Variants in AHCYL2 observed in about 807,000 individuals in gnomAD.
AHCYL2 encodes adenosylhomocysteinase like 2.
In AHCYL2, 28 loss-of-function variants were observed where a neutral mutation model predicts 81.4. That is an observed-to-expected ratio of 0.34 (90% CI 0.25 to 0.47). The LOEUF is 0.47. Ranked by LOEUF, AHCYL2 falls within the 20% of genes least tolerant of loss-of-function variation. AHCYL2 has a pLI of 1.00. For missense variants in AHCYL2, 551 were observed against 785.1 expected, an observed-to-expected ratio of 0.70 and a Z score of 3.56; for synonymous variants, 272 against 290.2, an observed-to-expected ratio of 0.94 and a Z score of 0.64.
At chr7:129,376,613 A>G (rs951318595) in intron 1 of AHCYL2, among the ~76,000 whole-genome samples, 8 of 152,224 alleles carry the variant, frequency 5.3e-5, no homozygotes, top group African/African-American at 1.4e-4. Context: ...CTAGATAGCT[A>G]TATGGTTTAT....
intron 9 of AHCYL2, 76 bp downstream of exon 9, chr7:129,405,975 G>A: frequency 7.3e-7 from 1 of 1,370,804 alleles, no homozygotes; most frequent in Admixed American, 1.7e-5. Context: ...TTATTTGTAT[G>A]GACATATGAG....
At chr7:129,280,178 C>CTTTTTTTTTTTTTTTTTTTTTTTT (rs59849233) in intron 1 of AHCYL2, among the ~76,000 whole-genome samples, 1 of 112,560 alleles carries the variant, frequency 8.9e-6, no homozygotes, top group Non-Finnish European at 1.8e-5. Context: ...TTGCTAAATA[C>CTTTTTTTTTTTTTTTTTTTTTTTT]TTTTTTTTTT....
At chr7:129,416,720 A>G (rs1419143893) in intron 12 of AHCYL2, among the ~76,000 whole-genome samples, 2 of 152,158 alleles carry the variant, frequency 1.3e-5, no homozygotes, top group African/African-American at 2.4e-5. Flanking sequence ...GAATTGCTTG[A>G]ACCCGAGAGG....
intron 1 of AHCYL2, among the ~76,000 whole-genome samples, chr7:129,230,325 A>T (rs2718114): frequency 6.6e-6 from 1 of 151,222 alleles, no homozygotes; most frequent in African/African-American, 2.4e-5. Flanking sequence ...CTCGTGATCC[A>T]CCCGCCTCAG....
chr7:129,244,259 C>T (rs193252803), intron 1 of AHCYL2, among the ~76,000 whole-genome samples: 30 of 151,908 alleles, frequency 2.0e-4, no homozygotes, highest in African/African-American at 7.0e-4. Context: ...CAACCTTGGC[C>T]TTTCAAAATG....
chr7:129,259,381 T>A (rs1434754710), intron 1 of AHCYL2, among the ~76,000 whole-genome samples: 3 of 152,174 alleles, frequency 2.0e-5, no homozygotes, highest in East Asian at 3.8e-4. Flanking sequence ...TTTCAATAAG[T>A]CTTTTGTACT....
intron 5 of AHCYL2, 46 bp downstream of exon 5, chr7:129,397,370 G>T: frequency 6.6e-7 from 1 of 1,522,614 alleles, no homozygotes. Context: ...AGTCTATTTG[G>T]AGACTTACTT....
chr7:129,362,880 C>T (rs1279429837), intron 1 of AHCYL2, among the ~76,000 whole-genome samples: 1 of 152,012 alleles, frequency 6.6e-6, no homozygotes, highest in Non-Finnish European at 1.5e-5. Flanking sequence ...AACTGTTCTG[C>T]CATTATAGTA....
In AHCYL2 at chr7:129,406,003, T is replaced by G; in HGVS notation, c.1206+104T>G. 5 of 1,071,648 alleles carry G rather than the reference T, an allele frequency of 4.7e-6. No homozygotes were observed. In the South Asian group the frequency reaches 8.4e-5, roughly 18 times the overall value. The allele number at this position is 1,071,648 out of a possible 1,614,324, so 66.4% of individuals were successfully genotyped here. ...CATATGAGTACACCCTTTACCACTT[T>G]AGATGAGAAAAAGAATTTCAGAGGC... On this transcript the variant is annotated intron_variant, in intron 9 of 16. Coordinates refer to ENST00000325006, the MANE Select transcript of AHCYL2 (RefSeq NM_015328.4). This position sits in a 1 kb window ranked among gnomAD's most constrained non-coding sequence, Gnocchi z 4.3.
chr7:129,379,822 C>A, intron 2 of AHCYL2, 73 bp downstream of exon 2: 1 of 1,192,366 alleles, frequency 8.4e-7, no homozygotes, highest in Non-Finnish European at 1.2e-6. Context: ...TCCTGTCTAT[C>A]CAAGGCTAAT....
intron 13 of AHCYL2, among the ~76,000 whole-genome samples, chr7:129,423,506 CA>C (rs1028383046): frequency 4.4e-4 from 67 of 152,308 alleles, no homozygotes; most frequent in African/African-American, 1.6e-3. Context: ...GCTTCCATGT[CA>C]GTGTTTGACC....
At chr7:129,372,978 G>A (rs146049045) in intron 1 of AHCYL2, among the ~76,000 whole-genome samples, 1 of 152,252 alleles carries the variant, frequency 6.6e-6, no homozygotes, top group Admixed American at 6.5e-5. Context: ...CTTTACTCAC[G>A]CTTGGAGAAA....
At chr7:129,336,171 G>A (rs966989759) in intron 1 of AHCYL2, among the ~76,000 whole-genome samples, 2 of 145,674 alleles carry the variant, frequency 1.4e-5, no homozygotes, top group East Asian at 2.1e-4. Flanking sequence ...AGGTTCAAAC[G>A]ATTCTCCTGC....
intron 1 of AHCYL2, among the ~76,000 whole-genome samples, chr7:129,302,011 A>G (rs1371652071): frequency 6.6e-6 from 1 of 152,102 alleles, no homozygotes; most frequent in Non-Finnish European, 1.5e-5. Context: ...ATCCGTGGAC[A>G]TGGAATGTCT....
intron 1 of AHCYL2, among the ~76,000 whole-genome samples, chr7:129,264,419 G>A (rs1480182146): frequency 6.6e-6 from 1 of 152,198 alleles, no homozygotes; most frequent in African/African-American, 2.4e-5. Flanking sequence ...GAGCTCACGG[G>A]ATGTAAAGAG....
At chr7:129,305,917 ACT>A (rs1169162365) in intron 1 of AHCYL2, among the ~76,000 whole-genome samples, 1 of 152,084 alleles carries the variant, frequency 6.6e-6, no homozygotes, top group African/African-American at 2.4e-5. Flanking sequence ...ATGTCATGCC[ACT>A]CTCTCCTGGC....
At chr7:129,339,921 T>TTC (rs1793104613) in intron 1 of AHCYL2, among the ~76,000 whole-genome samples, 2 of 141,938 alleles carry the variant, frequency 1.4e-5, no homozygotes, top group Non-Finnish European at 3.1e-5. Context: ...CTGCTCTTTT[T>TTC]TTTTTTTTTT....
intron 1 of AHCYL2, among the ~76,000 whole-genome samples, chr7:129,374,988 G>T (rs985574546): frequency 3.3e-5 from 5 of 151,504 alleles, no homozygotes; most frequent in Non-Finnish European, 7.4e-5. Context: ...TAAATAATGT[G>T]ATTCTTTGCC....
intron 1 of AHCYL2, among the ~76,000 whole-genome samples, chr7:129,282,780 ATTTG>A (rs1275461540): frequency 2.0e-5 from 3 of 147,640 alleles, no homozygotes; most frequent in Non-Finnish European, 4.5e-5. Context: ...TTTTTTTTTT[ATTTG>A]TTCTGTGTCA....
Sources: allele counts gnomAD v4.1 joint callset (sites outside exome capture counted in the v4.1 genomes callset), GRCh38; gene constraint gnomAD v4.1.1; non-coding constraint Gnocchi (gnomAD v3.1); transcripts MANE v1.5; gene names NCBI Gene and HGNC (gene_info 2026-07-23, HGNC 2026-07-21).